The following MFAP4 variants were observed in gnomAD, a reference collection of about 807,000 sequenced individuals.
MFAP4 encodes microfibril associated protein 4, also known as microfibril-associated glycoprotein 4.
In MFAP4, 20 loss-of-function variants were observed where a neutral mutation model predicts 32.4. The ratio of observed to expected loss-of-function variants is 0.62; its 90% CI spans 0.43 to 0.90. The LOEUF (loss-of-function observed/expected upper bound fraction) is 0.90. Among genes scored for constraint, MFAP4 ranks in the 40% least tolerant of loss-of-function variants. MFAP4 has a pLI of 0.00. For missense variants in MFAP4, 267 were observed against 329.5 expected (o/e 0.81, Z 1.47); for synonymous variants, 146 against 137.4 (o/e 1.06, Z -0.44).
intron 1 of MFAP4, 139 bp from the exon 2 acceptor site, chr17:19,386,977 G>GGGGC: frequency 5.4e-4 from 371 of 688,934 alleles, no homozygotes; most frequent in Non-Finnish European, 7.9e-4. Context: ...CCTCTTCCCT[G>GGGGC]CCCCCCCACC....
rs1167003401 is a variant in MFAP4 at position 19,384,410 on chromosome 17, A to G, written c.*52T>C. ...ATCAGGGGCAGCAGAGGGAGCACTC[A>G]TGGAGACCATGGGTGTCCAGGGGAG... On this transcript the variant is annotated 3_prime_UTR_variant, in exon 6 of 6. Coordinates refer to ENST00000299610, the MANE Select transcript of MFAP4 (RefSeq NM_002404.3). The G allele has an allele frequency of 6.5e-7, 1 of 1,537,034 alleles. No individual in the cohort carries two copies.
chr17:19,384,163 T>G lies in MFAP4; in HGVS notation c.*299A>C, dbSNP rs6587082. 364,448 of 399,334 alleles carry G rather than the reference T, an allele frequency of 0.91. 168,839 individuals are homozygous for G. Among genetic ancestry groups the G allele is most frequent in the Non-Finnish European group, 0.99 (209,128 of 211,700 alleles). The allele number at this position is 399,334 out of a possible 1,614,324, so 24.7% of individuals were successfully genotyped here. ...CCTGGCTGTCAGCTGTTGGGACAGG[T>G]TGGAGGCAACTCATTCTCATGGAGC... On this transcript the variant is annotated 3_prime_UTR_variant, in exon 6 of 6. Coordinates refer to ENST00000299610, the MANE Select transcript of MFAP4 (RefSeq NM_002404.3).
chr17:19,385,412 C>T lies in MFAP4; in HGVS notation c.283G>A (p.Gly95Ser), dbSNP rs200919816. Residue 95 changes from glycine to serine, a missense_variant, in exon 4 of 6, where the codon GGC becomes AGC. This residue lies in a region of MFAP4 where 223 missense variants were observed against 253.3 expected (regional missense o/e 0.88). Coordinates refer to ENST00000299610, the MANE Select transcript of MFAP4 (RefSeq NM_002404.3). ...RFNGSVSFFR[G>S]WNDYKLGFGR... ...AAGCCCAGCTTGTAGTCATTCCAGC[C>T]GCGGAAGAAACTTACTGAGCCATTG... The T allele has an allele frequency of 2.7e-5, 43 of 1,614,200 alleles. No homozygotes were observed. The Admixed American group carries it at 5.2e-4, about 19-fold the overall frequency.
chr17:19,386,983 C>CCCCCCCCCCCCCCCCCG, intron 1 of MFAP4, 145 bp from the exon 2 acceptor site: 1 of 889,774 alleles, frequency 1.1e-6, no homozygotes. Flanking sequence ...CCCTGCCCCC[C>CCCCCCCCCCCCCCCCCG]CACCCCGCCC....
Position 19,385,267 on chromosome 17 carries a change from G to A in MFAP4, c.352C>T (p.His118Tyr). 6.2e-7 allele frequency: 1 copy of A among 1,614,290 alleles called. No individual in the cohort carries two copies. The highest frequency in any genetic ancestry group is 8.5e-7 in the Non-Finnish European group (1 of 1,180,050). The change falls in exon 5 of 6, where the codon CAC becomes TAC. Residue 118 changes from histidine (H) to tyrosine (Y), a missense_variant. Coordinates refer to ENST00000299610, the MANE Select transcript of MFAP4 (RefSeq NM_002404.3). ...GEYWLGLQNM[H>Y]LLTLKQKYEL... ...TACTTCTGCTTCAGTGTCAGGAGGTGCATGTTCTGCAGCCCTGGGGAGGAG... is the reference window on the plus strand; with the variant it reads ...TACTTCTGCTTCAGTGTCAGGAGGTACATGTTCTGCAGCCCTGGGGAGGAG...
chr17:19,384,325 G>A lies in MFAP4; in HGVS notation c.*137C>T. The A allele has an allele frequency of 9.2e-7, 1 of 1,092,478 alleles. No homozygotes were observed. The highest frequency in any genetic ancestry group is 1.6e-5 in the South Asian group (1 of 62,446). The allele number at this position is 1,092,478 out of a possible 1,614,324, so 67.7% of individuals were successfully genotyped here. A position where few individuals can be genotyped will look rare whatever the true frequency, so the allele number is the denominator to read the frequency against. On this transcript the variant is annotated 3_prime_UTR_variant, in exon 6 of 6. Transcript: ENST00000299610. ...GGGTGTGTGACAGGGATGTGGCATG[G>A]CTGAGAGCCACAAGGCCCCCTTGTA...
chr17:19,386,860 C>CA, intron 1 of MFAP4, 22 bp from the exon 2 acceptor site: 3 of 1,551,488 alleles, frequency 1.9e-6, no homozygotes. Flanking sequence ...CAGACAGGGT[C>CA]AGCACAGCCC....
chr17:19,387,158 T>C lies in MFAP4; in HGVS notation c.-3A>G, dbSNP rs745511734. Reference sequence around the variant, plus strand: ...GACCCTGGGCCCCGTACCTTCATGCTGTCAGTTCTGCTCAGAGTGGCTGGG... The same window carrying C: ...GACCCTGGGCCCCGTACCTTCATGCCGTCAGTTCTGCTCAGAGTGGCTGGG... On this transcript the variant is annotated 5_prime_UTR_variant, in exon 1 of 6. Transcript: ENST00000299610. The C allele has an allele frequency of 1.2e-6, 2 of 1,600,400 alleles. No homozygotes were observed. The highest frequency in any genetic ancestry group is 1.1e-5 in the South Asian group (1 of 90,716).
At position 19,384,213 on chromosome 17, in the gene MFAP4, T is replaced by C; in HGVS notation, c.*249A>G. On this transcript the variant is annotated 3_prime_UTR_variant, in exon 6 of 6. Coordinates refer to ENST00000299610, the MANE Select transcript of MFAP4 (RefSeq NM_002404.3). Reference sequence around the variant, plus strand: ...CCCAGCCAGGTCCAGGCTAGAACCATGTGCCTCTCGGAAGAGGCCTGGGGA... The same window carrying C: ...CCCAGCCAGGTCCAGGCTAGAACCACGTGCCTCTCGGAAGAGGCCTGGGGA... 2.0e-6 allele frequency: 1 copy of C among 510,608 alleles called. No homozygotes were observed. Among genetic ancestry groups the C allele is most frequent in the East Asian group, 3.5e-5 (1 of 28,296 alleles). The allele number at this position is 510,608 out of a possible 1,614,324, so 31.6% of individuals were successfully genotyped here. A position where few individuals can be genotyped will look rare whatever the true frequency, so the allele number is the denominator to read the frequency against.
At chr17:19,384,901 T>A (rs1361788491) in intron 5 of MFAP4, among the ~76,000 whole-genome samples, 192 bp from the exon 6 acceptor site, 2 of 152,248 alleles carry the variant, frequency 1.3e-5, no homozygotes, top group Non-Finnish European at 2.9e-5. Flanking sequence ...ACCACAGAGT[T>A]GCCTGGAGCA....
In MFAP4 at chr17:19,384,359, G is replaced by A. The variant is rs1446822323; in HGVS notation, c.*103C>T. ...CACAAGGCCCCCTTGTAAGGAGTTG[G>A]TGCTCGGGAATCAGCAGAAGCATGC... On this transcript the variant is annotated 3_prime_UTR_variant, in exon 6 of 6. Transcript: ENST00000299610. 11 of 1,369,294 alleles carry A rather than the reference G, an allele frequency of 8.0e-6. No homozygotes were observed. Among genetic ancestry groups the A allele is most frequent in the Non-Finnish European group, 3.0e-6 (3 of 1,014,572 alleles). The allele number at this position is 1,369,294 out of a possible 1,614,324, so 84.8% of individuals were successfully genotyped here. A position where few individuals can be genotyped will look rare whatever the true frequency, so the allele number is the denominator to read the frequency against.
At position 19,384,301 on chromosome 17, in the gene MFAP4, G is replaced by T; in HGVS notation, c.*161C>A. 1 of 844,204 alleles carries T rather than the reference G, an allele frequency of 1.2e-6. No homozygotes were observed. The highest frequency in any genetic ancestry group is 1.8e-5 in the South Asian group (1 of 56,008). The allele number at this position is 844,204 out of a possible 1,614,324, so 52.3% of individuals were successfully genotyped here. ...GTCTGGCTTAGGAATGGATGCCCTG[G>T]GTGTGTGACAGGGATGTGGCATGGC... On this transcript the variant is annotated 3_prime_UTR_variant, in exon 6 of 6. Coordinates refer to ENST00000299610, the MANE Select transcript of MFAP4 (RefSeq NM_002404.3).
At chr17:19,387,028 C>G (rs906761911) in intron 1 of MFAP4, 122 bp downstream of exon 1, 5 of 1,373,118 alleles carry the variant, frequency 3.6e-6, no homozygotes, top group Middle Eastern at 2.0e-4. Flanking sequence ...CGCTGTGTAC[C>G]CTCATAGCTT....
In MFAP4 at chr17:19,385,171, A is replaced by C. The variant is rs1912982275; in HGVS notation, c.448T>G (p.Ser150Ala). The C allele has an allele frequency of 6.2e-7, 1 of 1,614,152 alleles. No homozygotes were observed. The highest frequency in any genetic ancestry group is 8.5e-7 in the Non-Finnish European group (1 of 1,180,056). The change falls in exon 5 of 6, where the codon TCC becomes GCC. Residue 150 changes from serine to alanine, a missense_variant. By Grantham distance (99) the Ser-to-Ala change is moderately conservative. Coordinates refer to ENST00000299610, the MANE Select transcript of MFAP4 (RefSeq NM_002404.3). ...TCCTCTGCGCTGACCGCGTTCGGGG[A>C]GATGGAGAAGTCAGCGTACTTGGCA... ...AYAKYADFSISPNAVSAEEDG... is the reference protein window; with the variant it reads ...AYAKYADFSIAPNAVSAEEDG...
intron 5 of MFAP4, 50 bp from the exon 6 acceptor site, chr17:19,384,759 C>T (rs189344469): frequency 5.4e-5 from 87 of 1,606,570 alleles, no homozygotes; most frequent in Admixed American, 5.0e-4. Context: ...AACTGAGCCC[C>T]GAGCTGGCCG....
rs1912936413 is a variant in MFAP4, at chr17:19,384,210, C to T, written c.*252G>A. 2.0e-6 allele frequency: 1 copy of T among 505,364 alleles called. No homozygotes were observed. The highest frequency in any genetic ancestry group is 3.3e-5 in the Admixed American group (1 of 30,680). 31.3% of individuals were successfully genotyped at this position (505,364 alleles called of 1,614,324 possible). On this transcript the variant is annotated 3_prime_UTR_variant, in exon 6 of 6. Transcript: ENST00000299610. Reference sequence around the variant, plus strand: ...GAGCCCAGCCAGGTCCAGGCTAGAACCATGTGCCTCTCGGAAGAGGCCTGG... The same window carrying T: ...GAGCCCAGCCAGGTCCAGGCTAGAATCATGTGCCTCTCGGAAGAGGCCTGG...
At chr17:19,385,572 G>A (rs1913003869) in intron 3 of MFAP4, 118 bp from the exon 4 acceptor site, 2 of 872,014 alleles carry the variant, frequency 2.3e-6, no homozygotes, top group Admixed American at 4.1e-5. Flanking sequence ...TAAAGGACTG[G>A]GTTGGGGGTG....
chr17:19,386,984 C>T (rs376950659), intron 1 of MFAP4, 146 bp from the exon 2 acceptor site: 9 of 908,274 alleles, frequency 9.9e-6, no homozygotes, highest in East Asian at 5.3e-5. Context: ...CCTGCCCCCC[C>T]ACCCCGCCCG....
At chr17:19,386,726 G>T in intron 2 of MFAP4, 34 bp downstream of exon 2, 2 of 1,551,728 alleles carry the variant, frequency 1.3e-6, no homozygotes, top group South Asian at 1.2e-5. Flanking sequence ...CAACCTGTGG[G>T]CCAGGCCGCG....
Sources: gnomAD v4.1 joint callset for allele counts (sites outside exome capture counted in the v4.1 genomes callset) on GRCh38, gnomAD v4.1.1 for gene constraint, gnomAD v4.1.1 regional missense constraint, MANE v1.5 for transcripts, NCBI Gene and HGNC (gene_info 2026-07-23, HGNC 2026-07-21) for gene names.